SLC28A3: variants seen among roughly 807,000 people sequenced by gnomAD.
SLC28A3 encodes the protein solute carrier family 28 member 3, also known as concentrative Na(+)-nucleoside cotransporter 3.
SLC28A3 carries 68 observed loss-of-function variants against 84.2 expected under a neutral mutation model. That is an observed-to-expected ratio of 0.81 (90% confidence interval 0.66 to 0.99). The LOEUF is 0.99. SLC28A3 is among the 50% of genes least tolerant of loss of function. The pLI is 0.00. For missense variants in SLC28A3, 712 were observed against 841.5 expected, an observed-to-expected ratio of 0.85 and a Z score of 1.90; for synonymous variants, 267 against 303.6, an observed-to-expected ratio of 0.88 and a Z score of 1.25.
chr9:84,285,443 A>AT lies in SLC28A3; in HGVS notation c.1548_1549insA (p.Phe517IlefsTer3), dbSNP rs756991310. On this transcript the variant is annotated frameshift_variant, in exon 14 of 18. Transcript: ENST00000376238. LOFTEE classifies it high-confidence loss of function. ...TGCTCATAAGCCACAAATTCATTGA[A>AT]GAAGGTCTTATAACCTATGAGTCTG... 1.2e-6 allele frequency: 2 copies of AT among 1,614,130 alleles called. No homozygotes were observed. Among genetic ancestry groups the AT allele is most frequent in the Non-Finnish European group, 1.7e-6 (2 of 1,180,044 alleles).
intron 17 of SLC28A3, 73 bp from the exon 18 acceptor site, chr9:84,278,417 T>C: frequency 1.9e-6 from 3 of 1,579,726 alleles, no homozygotes; most frequent in South Asian, 2.3e-5. Flanking sequence ...GACAATGACA[T>C]TAAAAATAGT....
At chr9:84,297,673 T>C (rs889065615) in intron 7 of SLC28A3, among the ~76,000 whole-genome samples, 9 of 152,152 alleles carry the variant, frequency 5.9e-5, no homozygotes, top group Admixed American at 3.3e-4. Context: ...GGGAGGAGGA[T>C]GTGGGCAATG....
At chr9:84,325,164 T>A (rs550343089) in intron 1 of SLC28A3, among the ~76,000 whole-genome samples, 1 of 152,326 alleles carries the variant, frequency 6.6e-6, no homozygotes, top group East Asian at 1.9e-4. Flanking sequence ...TTTACTACTC[T>A]TTTTATCTCC....
intron 1 of SLC28A3, among the ~76,000 whole-genome samples, chr9:84,315,025 T>C (rs1204701296): frequency 1.3e-5 from 2 of 152,028 alleles, no homozygotes; most frequent in East Asian, 1.9e-4. Flanking sequence ...TGCAGTGAGC[T>C]GAGATCACAC....
At chr9:84,290,046 A>G in intron 11 of SLC28A3, 108 bp downstream of exon 11, 2 of 1,444,098 alleles carry the variant, frequency 1.4e-6, no homozygotes, top group Non-Finnish European at 1.8e-6. Flanking sequence ...TATGGCAAAA[A>G]AAGACACTCT....
chr9:84,309,546 AAAGAAATC>A, intron 3 of SLC28A3, 75 bp downstream of exon 3: 1 of 827,974 alleles, frequency 1.2e-6, no homozygotes, highest in Non-Finnish European at 1.8e-6. Flanking sequence ...AAAAAAAAAA[AAAGAAATC>A]AAATGGGGAT....
At chr9:84,337,098 C>T (rs1251733768) in intron 1 of SLC28A3, among the ~76,000 whole-genome samples, 2 of 152,090 alleles carry the variant, frequency 1.3e-5, no homozygotes, top group Admixed American at 1.3e-4. Flanking sequence ...TTCAGACCAG[C>T]CCTGGTAAGA....
In SLC28A3 at chr9:84,299,546, G is replaced by T. The variant is rs376807040; in HGVS notation, c.669+35C>A. ...AGCAATTTACACATGGGGAGAAAAA[G>T]AAAAAAGAACCTAAAAGATCAACTG... On this transcript the variant is annotated intron_variant, in intron 6 of 17. Transcript: ENST00000376238. 6 of 1,610,804 alleles carry T rather than the reference G, an allele frequency of 3.7e-6. No individual in the cohort carries two copies. In the African/African-American group the frequency reaches 8.0e-5, roughly 22 times the overall value.
chr9:84,287,817 G>C (rs1825055900), intron 12 of SLC28A3, among the ~76,000 whole-genome samples: 1 of 152,124 alleles, frequency 6.6e-6, no homozygotes, highest in South Asian at 2.1e-4. Context: ...TCATACCACT[G>C]CACTCCAGCT....
chr9:84,324,114 C>T (rs1826469641), intron 1 of SLC28A3, among the ~76,000 whole-genome samples: 1 of 152,214 alleles, frequency 6.6e-6, no homozygotes. Flanking sequence ...TCACTGTGGG[C>T]ACCTTTGTCT....
At chr9:84,332,380 A>C (rs931305184) in intron 1 of SLC28A3, among the ~76,000 whole-genome samples, 3 of 152,234 alleles carry the variant, frequency 2.0e-5, no homozygotes, top group Non-Finnish European at 4.4e-5. Context: ...TGTGAGAAAA[A>C]AATAGAGGAC....
the SLC28A3 span, among the ~76,000 whole-genome samples, chr9:84,359,321 A>G: frequency 6.6e-6 from 1 of 152,220 alleles, no homozygotes; most frequent in Non-Finnish European, 1.5e-5. Flanking sequence ...TTTCACTTCT[A>G]GAAATCTGTC....
At chr9:84,297,857 A>G in intron 7 of SLC28A3, 49 bp downstream of exon 7, 2 of 1,468,788 alleles carry the variant, frequency 1.4e-6, no homozygotes, top group Non-Finnish European at 9.3e-7. Context: ...GATTACCTCC[A>G]ATGTTAAAAG....
At chr9:84,357,938 C>T in the SLC28A3 span, among the ~76,000 whole-genome samples, 1 of 152,252 alleles carries the variant, frequency 6.6e-6, no homozygotes. Context: ...TCTTTCCAAG[C>T]TAAAGAGGAA....
At chr9:84,306,314 C>A (rs1211178065) in intron 3 of SLC28A3, among the ~76,000 whole-genome samples, 2 of 152,172 alleles carry the variant, frequency 1.3e-5, no homozygotes, top group Non-Finnish European at 2.9e-5. Flanking sequence ...GCTGGGAGAC[C>A]TGCACTCCCC....
chr9:84,342,894 T>A (rs532052023), upstream of SLC28A3, among the ~76,000 whole-genome samples: 9 of 152,252 alleles, frequency 5.9e-5, no homozygotes, highest in East Asian at 1.4e-3. Flanking sequence ...CCAGGCACAG[T>A]GGCTCCCGCC....
At chr9:84,346,622 C>T in the SLC28A3 span, among the ~76,000 whole-genome samples, 1 of 152,116 alleles carries the variant, frequency 6.6e-6, no homozygotes, top group South Asian at 2.1e-4. Flanking sequence ...GTCTAATTAA[C>T]TGTCAATTGT....
At chr9:84,296,170 T>C (rs1825406436) in intron 8 of SLC28A3, among the ~76,000 whole-genome samples, 1 of 152,202 alleles carries the variant, frequency 6.6e-6, no homozygotes, top group African/African-American at 2.4e-5. Flanking sequence ...TATGAGTATA[T>C]TTCTATCTCA....
intron 1 of SLC28A3, among the ~76,000 whole-genome samples, chr9:84,325,793 C>G (rs569444239): frequency 5.9e-5 from 9 of 152,342 alleles, no homozygotes; most frequent in African/African-American, 2.2e-4. Flanking sequence ...TTTCTGAACA[C>G]TGACCGGTGA....
Sources: allele counts gnomAD v4.1 joint callset (sites outside exome capture counted in the v4.1 genomes callset), GRCh38; gene constraint gnomAD v4.1.1; transcripts MANE v1.5; gene names NCBI Gene and HGNC (gene_info 2026-07-23, HGNC 2026-07-21).